The following ARID4B variants were observed in gnomAD, a reference collection of about 807,000 sequenced individuals.
ARID4B encodes AT-rich interactive domain-containing protein 4B.
ARID4B carries 26 observed loss-of-function variants against 147.5 expected under a neutral mutation model. The observed-to-expected ratio is 0.18, with a 90% CI of 0.13 to 0.24. The LOEUF is 0.24. ARID4B is among the 10% of genes least tolerant of loss of function. ARID4B has a pLI of 1.00. For missense variants in ARID4B, 1,179 were observed against 1,511.5 expected (o/e 0.78, Z 3.65); for synonymous variants, 512 against 507.9 (o/e 1.01, Z -0.11).
In ARID4B at chr1:235,236,833, A is replaced by AAAATAT. The variant is rs1175189621; in HGVS notation, c.586-2342_586-2341insATATTT. On this transcript the variant is annotated intron_variant, in intron 8 of 23. Transcript: ENST00000264183. ...TGGCCCACAAAACGGTTTTATAAAA[A>AAAATAT]ATATATATATATATATATATATATA... Among the ~76,000 whole-genome samples the AAAATAT allele has an allele frequency of 2.1e-3, 70 of 33,488 alleles. 2 individuals carry two copies. The highest frequency in any genetic ancestry group is 9.9e-3 in the African/African-American group (66 of 6,688). The allele number at this position is 33,488 out of a possible 152,430, so 22.0% of individuals were successfully genotyped here.
At chr1:235,213,502 T>G (rs1666838724) in intron 17 of ARID4B, among the ~76,000 whole-genome samples, 1 of 152,198 alleles carries the variant, frequency 6.6e-6, no homozygotes, top group Non-Finnish European at 1.5e-5. Context: ...ATTTCAACAA[T>G]GTTTTGTCTG....
At chr1:235,296,679 C>T (rs1053430275) in intron 2 of ARID4B, among the ~76,000 whole-genome samples, 31 of 150,440 alleles carry the variant, frequency 2.1e-4, no homozygotes, top group Non-Finnish European at 4.0e-4. Flanking sequence ...AGGCTAGTCT[C>T]GAACTCCTGG....
At chr1:235,314,767 C>T (rs1010051768) in intron 2 of ARID4B, among the ~76,000 whole-genome samples, 1 of 151,882 alleles carries the variant, frequency 6.6e-6, no homozygotes, top group African/African-American at 2.4e-5. Flanking sequence ...ATTTTACTAT[C>T]AGTAAAATAT....
intron 2 of ARID4B, among the ~76,000 whole-genome samples, chr1:235,309,074 G>A (rs928412908): frequency 8.7e-5 from 13 of 149,890 alleles, no homozygotes; most frequent in African/African-American, 1.5e-4. Flanking sequence ...AGTGAGGAGC[G>A]TCTCTGCCCG....
chr1:235,319,824 G>T (rs1209907113), intron 2 of ARID4B, among the ~76,000 whole-genome samples: 1 of 151,574 alleles, frequency 6.6e-6, no homozygotes, highest in Non-Finnish European at 1.5e-5. Context: ...AAACCCCATT[G>T]CTACTAAAAA....
At chr1:235,226,018 A>C (rs1024901344) in intron 11 of ARID4B, among the ~76,000 whole-genome samples, 4 of 152,198 alleles carry the variant, frequency 2.6e-5, no homozygotes, top group Non-Finnish European at 5.9e-5. Flanking sequence ...TATTTTCTAG[A>C]TGTTATCTTA....
At chr1:235,255,258 GATAGAT>G (rs761115666) in intron 5 of ARID4B, among the ~76,000 whole-genome samples, 127 of 86,534 alleles carry the variant, frequency 1.5e-3, no homozygotes, top group South Asian at 8.3e-3. Context: ...TAGATAGATA[GATAGAT>G]ATATATCTCT....
chr1:235,210,957 A>G (rs781316401), intron 17 of ARID4B, among the ~76,000 whole-genome samples: 66 of 152,356 alleles, frequency 4.3e-4, no homozygotes, highest in African/African-American at 1.5e-3. Flanking sequence ...AAACAAAGCT[A>G]TATCTTAATT....
intron 2 of ARID4B, among the ~76,000 whole-genome samples, chr1:235,308,257 C>A (rs928308213): frequency 8.1e-6 from 1 of 122,962 alleles, no homozygotes; most frequent in African/African-American, 3.0e-5. Context: ...TGCTACCATG[C>A]ACAGCTAATT....
intron 20 of ARID4B, chr1:235,180,137 C>CTTTTTTTTTTTTTTTTTTTTTTTT (rs1166842959): frequency 1.0e-5 from 1 of 98,540 alleles, no homozygotes; most frequent in African/African-American, 4.1e-5. Context: ...CTTGTTTTTT[C>CTTTTTTTTTTTTTTTTTTTTTTTT]TTTTTTTTTT....
chr1:235,204,827 G>GA (rs573689337), intron 17 of ARID4B, among the ~76,000 whole-genome samples: 87 of 152,262 alleles, frequency 5.7e-4, no homozygotes, highest in South Asian at 3.5e-3. Flanking sequence ...ACTACTGAAT[G>GA]AAACAGGTCC....
chr1:235,168,735 A>G, intron 23 of ARID4B, 83 bp from the exon 24 acceptor site: 1 of 1,419,810 alleles, frequency 7.0e-7, no homozygotes, highest in Admixed American at 2.3e-5. Context: ...CTCTGAACTA[A>G]AATTCCGCTA....
At chr1:235,257,101 C>A (rs1670033158) in intron 4 of ARID4B, 59 bp downstream of exon 4, 2 of 1,157,242 alleles carry the variant, frequency 1.7e-6, no homozygotes, top group Non-Finnish European at 1.3e-6. Flanking sequence ...GAATTAATAC[C>A]AAGTATGATT....
intron 17 of ARID4B, among the ~76,000 whole-genome samples, chr1:235,198,107 T>C (rs1474398855): frequency 6.6e-6 from 1 of 152,208 alleles, no homozygotes; most frequent in African/African-American, 2.4e-5. Flanking sequence ...AGCTTTCTAA[T>C]TTTTTATGAG....
intron 2 of ARID4B, among the ~76,000 whole-genome samples, chr1:235,320,137 A>C (rs939941278): frequency 2.7e-5 from 4 of 148,872 alleles, no homozygotes; most frequent in East Asian, 3.9e-4. Context: ...AAAAAAAAAA[A>C]CAAAAAATAC....
At chr1:235,242,117 G>A (rs562849917) in intron 7 of ARID4B, among the ~76,000 whole-genome samples, 8 of 151,970 alleles carry the variant, frequency 5.3e-5, no homozygotes, top group Admixed American at 1.3e-4. Flanking sequence ...GCATGGTGGC[G>A]GGTGCCTGTA....
chr1:235,186,523 G>A (rs1211388294), intron 19 of ARID4B, among the ~76,000 whole-genome samples: 1 of 151,352 alleles, frequency 6.6e-6, no homozygotes, highest in Non-Finnish European at 1.5e-5. Context: ...CAATTCTCCT[G>A]TCTCGGCCTC....
Position 235,171,795 on chromosome 1 carries a change from G to A in ARID4B, c.3811+823C>T, listed in dbSNP as rs548911833. On this transcript the variant is annotated intron_variant, in intron 23 of 23. Coordinates refer to ENST00000264183, the MANE Select transcript of ARID4B (RefSeq NM_016374.6). The stretch of plus-strand genomic sequence containing the variant: ...GCTGGGATTACAGGCACCCGCCACC[G>A]CGCACAGCTAATTTTTTGTATTTTT... 2.6e-3 allele frequency among the ~76,000 whole-genome samples: 399 copies of A among 151,992 alleles called. 3 individuals carry two copies. Among genetic ancestry groups the A allele is most frequent in the African/African-American group, 9.1e-3 (377 of 41,464 alleles).
chr1:235,322,711 T>C (rs1191322889), intron 2 of ARID4B, among the ~76,000 whole-genome samples: 1 of 152,160 alleles, frequency 6.6e-6, no homozygotes, highest in Admixed American at 6.5e-5. Flanking sequence ...TGAAAGCAGG[T>C]CAGATGCCTC....
Sources: gnomAD v4.1 joint callset for allele counts (sites outside exome capture counted in the v4.1 genomes callset) on GRCh38, gnomAD v4.1.1 for gene constraint, MANE v1.5 for transcripts, NCBI Gene and HGNC (gene_info 2026-07-23, HGNC 2026-07-21) for gene names.